Variants in PIK3C3 observed in about 807,000 individuals in gnomAD.
PIK3C3 encodes phosphatidylinositol 3-kinase catalytic subunit type 3, also known as PI3-kinase type 3.
PIK3C3 carries 95 observed loss-of-function variants against 126.1 expected under a neutral mutation model. The ratio of observed to expected loss-of-function variants is 0.75; its 90% CI spans 0.64 to 0.89. The LOEUF is 0.89. Ranked by LOEUF, PIK3C3 falls within the 40% of genes least tolerant of loss-of-function variation. The pLI, the probability that PIK3C3 is intolerant of heterozygous loss-of-function variation, is 0.00. For synonymous variants in PIK3C3, 374 were observed against 360.0 expected (o/e 1.04, Z -0.44); for missense variants, 829 against 1,063.2 (o/e 0.78, Z 3.06).
At chr18:42,079,841 A>G (rs767560832) in intron 24 of PIK3C3, among the ~76,000 whole-genome samples, 3 of 152,100 alleles carry the variant, frequency 2.0e-5, no homozygotes, top group African/African-American at 7.2e-5. Context: ...AAAGCCTTCA[A>G]AAAGAACCTT....
Position 41,993,254 on chromosome 18 carries a change from T to C in PIK3C3, c.715-16T>C. 1.3e-6 allele frequency: 2 copies of C among 1,557,562 alleles called. No individual in the cohort carries two copies. The highest frequency in any genetic ancestry group is 4.5e-5 in the East Asian group (2 of 44,396). ...TTAAATTTCTTTTTTTAAAAAATTA[T>C]TGCTCTGTAATCTAGGACGGTGATG... On this transcript the variant is annotated splice_polypyrimidine_tract_variant and intron_variant, in intron 6 of 24. Transcript: ENST00000262039.
chr18:41,977,498 G>GT lies in PIK3C3; in HGVS notation c.531+7043dup, dbSNP rs754396172. Among the ~76,000 whole-genome samples the GT allele has an allele frequency of 1.8e-3, 269 of 151,524 alleles. 1 individual carries two copies. Among genetic ancestry groups the GT allele is most frequent in the Non-Finnish European group, 3.2e-3 (215 of 67,850 alleles). On this transcript the variant is annotated intron_variant, in intron 4 of 24. Transcript: ENST00000262039. ...AGGAAGTGGCTATATAGATATATGT[G>GT]TATTTTTTTTTTTTTGAGACACAGT...
intron 4 of PIK3C3, among the ~76,000 whole-genome samples, chr18:41,975,203 T>G (rs532114702): frequency 3.6e-4 from 55 of 152,302 alleles, no homozygotes; most frequent in African/African-American, 1.3e-3. Flanking sequence ...GGAGCTGGAT[T>G]TTTTAAGTTC....
Position 41,995,942 on chromosome 18 carries a change from G to A in PIK3C3, c.839G>A (p.Gly280Glu). The part of the protein sequence containing the change: ...HHKLARSLRS[G>E]PSDHDLKPNA... ...AAGCTTGCCCGGAGTTTAAGAAGTG[G>A]ACCTTCTGACCACGATCTGAAACCC... Residue 280 changes from glycine to glutamate, a missense_variant, in exon 8 of 25, where the codon GGA (glycine) becomes GAA (glutamate). Transcript: ENST00000262039. 2 of 1,612,964 alleles carry A rather than the reference G, an allele frequency of 1.2e-6. No homozygotes were observed. The highest frequency in any genetic ancestry group is 2.2e-5 in the East Asian group (1 of 44,846).
intron 23 of PIK3C3, among the ~76,000 whole-genome samples, chr18:42,066,815 G>A (rs143181421): frequency 2.6e-5 from 4 of 152,034 alleles, no homozygotes; most frequent in Admixed American, 1.3e-4. Flanking sequence ...CTTTGGAAAC[G>A]ATAGACCTAT....
At position 42,058,045 on chromosome 18, in the gene PIK3C3, T is replaced by G; in HGVS notation, c.2426T>G (p.Leu809Arg). The change falls in exon 22 of 25, where the codon CTG becomes CGG. Residue 809 changes from leucine to arginine, a missense_variant. Transcript: ENST00000262039. ...RKQCYTAFLH[L>R]RRYSNLILNL... ...CAGTGTTACACGGCTTTCCTCCACC[T>G]GCGAAGGTAAGTTGATTTGCTTGGC... The G allele has an allele frequency of 6.3e-7, 1 of 1,579,498 alleles. No homozygotes were observed. Among genetic ancestry groups the G allele is most frequent in the South Asian group, 1.2e-5 (1 of 84,564 alleles).
At chr18:42,019,812 T>C (rs1251102311) in intron 12 of PIK3C3, among the ~76,000 whole-genome samples, 10 of 152,138 alleles carry the variant, frequency 6.6e-5, no homozygotes, top group Non-Finnish European at 1.0e-4. Context: ...TACAACTATT[T>C]CCTCTTACTC....
intron 14 of PIK3C3, among the ~76,000 whole-genome samples, 171 bp from the exon 15 acceptor site, chr18:42,029,150 TTAAC>T (rs1012242278): frequency 6.6e-6 from 1 of 152,202 alleles, no homozygotes; most frequent in Non-Finnish European, 1.5e-5. Context: ...TTAGTGGTGT[TTAAC>T]TAAGATAAGA....
At chr18:42,003,087 G>T (rs1017762004) in intron 9 of PIK3C3, among the ~76,000 whole-genome samples, 24 of 152,116 alleles carry the variant, frequency 1.6e-4, no homozygotes, top group African/African-American at 5.3e-4. Context: ...CTTTGCTGAG[G>T]TTATATACAA....
intron 10 of PIK3C3, among the ~76,000 whole-genome samples, chr18:42,009,341 T>C (rs1476928729): frequency 6.6e-6 from 1 of 152,200 alleles, no homozygotes; most frequent in Non-Finnish European, 1.5e-5. Context: ...TATGTATTAC[T>C]CTTTGTTAGT....
chr18:42,036,994 CTTTCAG>C (rs1373093573), intron 16 of PIK3C3, among the ~76,000 whole-genome samples: 1 of 152,160 alleles, frequency 6.6e-6, no homozygotes, highest in Non-Finnish European at 1.5e-5. Flanking sequence ...TGTAAAATTA[CTTTCAG>C]TTTATGTGTG....
intron 5 of PIK3C3, 57 bp downstream of exon 5, chr18:41,987,955 A>G (rs768043581): frequency 2.4e-5 from 25 of 1,036,020 alleles, no homozygotes; most frequent in East Asian, 1.1e-4. Context: ...TAAATTAACA[A>G]TTTTTTGATA....
At chr18:42,057,066 C>CAG (rs1985100506) in intron 21 of PIK3C3, among the ~76,000 whole-genome samples, 1 of 97,452 alleles carries the variant, frequency 1.0e-5, no homozygotes, top group East Asian at 4.7e-4. Flanking sequence ...GAACCCCCCC[C>CAG]CCCGTGTTGA....
intron 4 of PIK3C3, among the ~76,000 whole-genome samples, chr18:41,985,528 G>T (rs1455409801): frequency 6.6e-6 from 1 of 152,088 alleles, no homozygotes; most frequent in African/African-American, 2.4e-5. Context: ...AAGGCATACA[G>T]ATTTTTCTCA....
At position 41,995,886 on chromosome 18, in the gene PIK3C3, G is replaced by T; in HGVS notation, c.787-4G>T. 6.3e-7 allele frequency: 1 copy of T among 1,596,292 alleles called. No individual in the cohort carries two copies. On this transcript the variant is annotated splice_region_variant and splice_polypyrimidine_tract_variant and intron_variant, in intron 7 of 24. Transcript: ENST00000262039. ...CATTGTCAATATTTTAAAATAATTT[G>T]TAGGAGAATTTAGTTGAGAGCAAAC...
chr18:41,984,413 G>A (rs1981363970), intron 4 of PIK3C3, among the ~76,000 whole-genome samples: 1 of 151,944 alleles, frequency 6.6e-6, no homozygotes, highest in African/African-American at 2.4e-5. Context: ...TAGAATAGCT[G>A]TTACAACTTA....
chr18:42,061,496 C>T (rs1019649248), intron 22 of PIK3C3, among the ~76,000 whole-genome samples: 8 of 152,050 alleles, frequency 5.3e-5, no homozygotes, highest in Non-Finnish European at 1.0e-4. Context: ...GCAAGAGACT[C>T]GCTTGAACCT....
rs113284963 is a variant in PIK3C3, at chr18:41,957,045, G to T, written c.69-525G>T. Among the ~76,000 whole-genome samples the T allele has an allele frequency of 7.2e-3, 1,096 of 152,284 alleles. 9 individuals carry two copies. Among genetic ancestry groups the T allele is most frequent in the Non-Finnish European group, 0.011 (781 of 68,018 alleles). On this transcript the variant is annotated intron_variant, in intron 1 of 24. Transcript: ENST00000262039. ...ATATGCATAGTAAAAGAAAAAAATGGAAAGAGTAGAATAAAAACATGCAGT... is the reference window on the plus strand; with the variant it reads ...ATATGCATAGTAAAAGAAAAAAATGTAAAGAGTAGAATAAAAACATGCAGT...
In PIK3C3 at chr18:41,993,256, G is replaced by T. The variant is rs1457771803; in HGVS notation, c.715-14G>T. 1.0e-5 allele frequency: 16 copies of T among 1,563,322 alleles called. No homozygotes were observed. The highest frequency in any genetic ancestry group is 1.4e-5 in the African/African-American group (1 of 73,626). On this transcript the variant is annotated splice_polypyrimidine_tract_variant and intron_variant, in intron 6 of 24. Coordinates refer to ENST00000262039, the MANE Select transcript of PIK3C3 (RefSeq NM_002647.4). ...AAATTTCTTTTTTTAAAAAATTATT[G>T]CTCTGTAATCTAGGACGGTGATGAA...
Sources: gnomAD v4.1 joint callset for allele counts (sites outside exome capture counted in the v4.1 genomes callset) on GRCh38, gnomAD v4.1.1 for gene constraint, MANE v1.5 for transcripts, NCBI Gene and HGNC (gene_info 2026-07-23, HGNC 2026-07-21) for gene names.